Variants in FBXO24 observed in about 807,000 individuals in gnomAD.
The protein encoded by FBXO24 is F-box protein 24, also known as F-box only protein 24.
FBXO24 carries 30 observed loss-of-function variants against 63.5 expected under a neutral mutation model. That is an observed-to-expected ratio of 0.47 (90% CI 0.35 to 0.64). The LOEUF (loss-of-function observed/expected upper bound fraction) is 0.64, where lower values mean the gene tolerates loss of function less well. Ranked by LOEUF, FBXO24 falls within the 30% of genes least tolerant of loss-of-function variation. The pLI, the probability that FBXO24 is intolerant of heterozygous loss-of-function variation, is 0.00. For synonymous variants in FBXO24, 300 were observed against 305.0 expected (o/e 0.98, Z 0.17); for missense variants, 624 against 763.4 (o/e 0.82, Z 2.15).
intron 1 of FBXO24, chr7:100,589,581 T>TG (rs1801897602): frequency 2.2e-5 from 31 of 1,437,034 alleles, no homozygotes; most frequent in Non-Finnish European, 2.8e-5. Flanking sequence ...CCAGACTCCA[T>TG]GGGGGAGGGG....
Position 100,593,083 on chromosome 7 carries a change from G to A in FBXO24, c.793+66G>A, listed in dbSNP as rs75121637. 1.6e-3 allele frequency: 2,211 copies of A among 1,353,138 alleles called. 26 individuals carry two copies. The African/African-American group carries it at 0.028, about 17-fold the overall frequency. The allele number at this position is 1,353,138 out of a possible 1,614,324, so 83.8% of individuals were successfully genotyped here. A position where few individuals can be genotyped will look rare whatever the true frequency, so the allele number is the denominator to read the frequency against. On this transcript the variant is annotated intron_variant, in intron 5 of 9. Coordinates refer to ENST00000241071, the MANE Select transcript of FBXO24 (RefSeq NM_033506.3). ...AGATTCCTCAGACCCTGCTGCAGAG[G>A]AGGGGGAGGGAGGCCCCTCAGACTG...
intron 5 of FBXO24, 49 bp downstream of exon 5, chr7:100,593,066 C>A: frequency 6.6e-7 from 1 of 1,521,800 alleles, no homozygotes; most frequent in East Asian, 2.3e-5. Flanking sequence ...GCAGATTCCT[C>A]AGACCCTGCT....
rs779307679 is a variant in FBXO24, at chr7:100,595,146, C to T, written c.997C>T (p.Arg333Cys). 5.6e-6 allele frequency: 9 copies of T among 1,614,116 alleles called. No individual in the cohort carries two copies. Among genetic ancestry groups the T allele is most frequent in the Admixed American group, 1.7e-5 (1 of 60,016 alleles). Reference sequence around the variant, plus strand: ...TGAGGTGCATACCCCAGGGGTGTATCGCGATCTCTTTGGGACCCTTCAAGC... The same window carrying T: ...TGAGGTGCATACCCCAGGGGTGTATTGCGATCTCTTTGGGACCCTTCAAGC... The part of the protein sequence containing the change: ...YFEVHTPGVY[R>C]DLFGTLQAFD... Residue 333 changes from arginine to cysteine, a missense_variant, in exon 7 of 10, where the codon CGC (arginine) becomes TGC (cysteine). Arg to Cys is a radical substitution (Grantham distance 180). Transcript: ENST00000241071.
Position 100,595,229 on chromosome 7 carries a change from C to G in FBXO24, c.1074+6C>G. Reference sequence around the variant, plus strand: ...CTCTCTCACTGCCTGCCAAGGTAGGCTCCTGGAGGGACGGGGCAAACCAGA... The same window carrying G: ...CTCTCTCACTGCCTGCCAAGGTAGGGTCCTGGAGGGACGGGGCAAACCAGA... On this transcript the variant is annotated splice_donor_region_variant and intron_variant, in intron 7 of 9. Coordinates refer to ENST00000241071, the MANE Select transcript of FBXO24 (RefSeq NM_033506.3). 6.2e-7 allele frequency: 1 copy of G among 1,614,126 alleles called. No homozygotes were observed. The highest frequency in any genetic ancestry group is 1.3e-5 in the African/African-American group (1 of 75,036).
At position 100,586,474 on chromosome 7, in the gene FBXO24, G is replaced by C. The variant is rs1372360947; in HGVS notation, c.-152G>C. 1.3e-6 allele frequency: 1 copy of C among 793,692 alleles called. No homozygotes were observed. Among genetic ancestry groups the C allele is most frequent in the African/African-American group, 1.7e-5 (1 of 58,356 alleles). The allele number at this position is 793,692 out of a possible 1,614,324, so 49.2% of individuals were successfully genotyped here. Reference sequence around the variant, plus strand: ...CTCCACTAGCAGGAAAACGGGCCGAGGGACCGCAAGCAGGGGGTGCCTAGT... The same window carrying C: ...CTCCACTAGCAGGAAAACGGGCCGACGGACCGCAAGCAGGGGGTGCCTAGT... On this transcript the variant is annotated 5_prime_UTR_variant, in exon 1 of 10. Coordinates refer to ENST00000241071, the MANE Select transcript of FBXO24 (RefSeq NM_033506.3).
rs1802527520 is a variant in FBXO24 at position 100,600,270 on chromosome 7, T to G, written c.1377+69T>G. The G allele has an allele frequency of 6.9e-7, 1 of 1,452,730 alleles. No homozygotes were observed. Among genetic ancestry groups the G allele is most frequent in the African/African-American group, 1.4e-5 (1 of 69,772 alleles). 90.0% of individuals were successfully genotyped at this position (1,452,730 alleles called of 1,614,324 possible). ...GCCATGAACCAGGAAGCCCACAGGC[T>G]GTAGCTGGGGCTCCTGCAGGGACCC... On this transcript the variant is annotated intron_variant, in intron 9 of 9. Coordinates refer to ENST00000241071, the MANE Select transcript of FBXO24 (RefSeq NM_033506.3). The surrounding 1 kb of genome is among the most constrained non-coding windows in gnomAD (Gnocchi z 6.3).
chr7:100,598,813 C>T (rs952350834), intron 8 of FBXO24, among the ~76,000 whole-genome samples: 3 of 151,764 alleles, frequency 2.0e-5, no homozygotes, highest in African/African-American at 7.3e-5. Context: ...CCCGTCTCTA[C>T]TAAAATACAA....
chr7:100,599,976 AG>A, intron 8 of FBXO24, 54 bp from the exon 9 acceptor site: 22 of 744,302 alleles, frequency 3.0e-5, no homozygotes, highest in Non-Finnish European at 4.7e-5. Context: ...TTCCCACCCC[AG>A]CCCCCCCGTC....
At chr7:100,586,709 C>G in intron 1 of FBXO24, 45 bp downstream of exon 1, 2 of 1,609,662 alleles carry the variant, frequency 1.2e-6, no homozygotes, top group Non-Finnish European at 8.5e-7. Flanking sequence ...AACGCGGAGC[C>G]CCTGGCCGGC....
At position 100,590,005 on chromosome 7, in the gene FBXO24, C is replaced by T. The variant is rs766707413; in HGVS notation, c.68C>T (p.Ser23Leu). 33 of 1,613,314 alleles carry T rather than the reference C, an allele frequency of 2.0e-5. No homozygotes were observed. The East Asian group carries it at 2.5e-4, about 12-fold the overall frequency. The change falls in exon 2 of 10, where the codon TCG (serine) becomes TTG (leucine). Residue 23 changes from serine to leucine, a missense_variant. Ser to Leu is a moderately radical substitution (Grantham distance 145). This residue lies in a region of FBXO24 where 391 missense variants were observed against 469.1 expected (regional missense o/e 0.83). Transcript: ENST00000241071. ...RVKRSCPSCGSELGVEEKRGK... is the reference protein window; with the variant it reads ...RVKRSCPSCGLELGVEEKRGK... ...AAGAGAAGCTGCCCTTCTTGTGGCT[C>T]GGAGCTTGGGGTTGAAGAGAAGAGG...
chr7:100,586,378 G>C lies in FBXO24; in HGVS notation c.-248G>C. 1 of 630,682 alleles carries C rather than the reference G, an allele frequency of 1.6e-6. No individual in the cohort carries two copies. Among genetic ancestry groups the C allele is most frequent in the Non-Finnish European group, 2.8e-6 (1 of 362,870 alleles). 39.1% of individuals were successfully genotyped at this position (630,682 alleles called of 1,614,324 possible). A position where few individuals can be genotyped will look rare whatever the true frequency, so the allele number is the denominator to read the frequency against. On this transcript the variant is annotated 5_prime_UTR_variant, in exon 1 of 10. Coordinates refer to ENST00000241071, the MANE Select transcript of FBXO24 (RefSeq NM_033506.3). ...CCAGGCCGTCCCGCCCAGCGCAGCT[G>C]CACCCAATCACAATGCTCAGATCGG... is the stretch of plus-strand genomic sequence containing the variant.
chr7:100,591,734 C>T lies in FBXO24; in HGVS notation c.390C>T (p.Pro130=), dbSNP rs1024093518. The T allele has an allele frequency of 4.3e-6, 7 of 1,614,242 alleles. No homozygotes were observed. Among genetic ancestry groups the T allele is most frequent in the Non-Finnish European group, 5.9e-6 (7 of 1,180,034 alleles). The change falls in exon 4 of 10, where the codon CCC becomes CCT. Residue 130 remains proline (P), a synonymous_variant. Transcript: ENST00000241071. The part of the protein sequence containing the change: ...RRRCLSKSVA[P]LLAHGYRRFL... The stretch of plus-strand genomic sequence containing the variant: ...GATGTCTCAGCAAGAGCGTGGCCCC[C>T]TTGCTAGCCCACGGCTACCGCCGCT...
chr7:100,599,785 A>T, intron 8 of FBXO24: 4 of 494,798 alleles, frequency 8.1e-6, no homozygotes, highest in Non-Finnish European at 1.1e-5. Flanking sequence ...CCCTGGGCTC[A>T]GGCAAGGAGC....
intron 3 of FBXO24, among the ~76,000 whole-genome samples, chr7:100,591,031 AT>A (rs930978218): frequency 0.044 from 3,823 of 86,608 alleles, 36 homozygotes; most frequent in African/African-American, 0.067. Flanking sequence ...TTTTTCTTTG[AT>A]TTTTTTTTTT....
At chr7:100,590,586 A>G (rs533487172) in intron 3 of FBXO24, among the ~76,000 whole-genome samples, 2 of 152,244 alleles carry the variant, frequency 1.3e-5, no homozygotes, top group East Asian at 3.9e-4. Context: ...CCCTCTGTAC[A>G]CAGACACTTC....
At chr7:100,593,060 A>G in intron 5 of FBXO24, 43 bp downstream of exon 5, 1 of 1,550,864 alleles carries the variant, frequency 6.4e-7, no homozygotes, top group Non-Finnish European at 8.9e-7. Context: ...TTTCCTGCAG[A>G]TTCCTCAGAC....
intron 1 of FBXO24, among the ~76,000 whole-genome samples, chr7:100,587,138 G>A (rs116175086): frequency 6.6e-6 from 1 of 152,224 alleles, no homozygotes; most frequent in Admixed American, 6.5e-5. Context: ...TGATGCGTTA[G>A]CAAGAGCGAA....
At chr7:100,587,146 G>A (rs1801797448) in intron 1 of FBXO24, among the ~76,000 whole-genome samples, 1 of 152,180 alleles carries the variant, frequency 6.6e-6, no homozygotes. Flanking sequence ...TAGCAAGAGC[G>A]AACAGCAAGT....
Position 100,590,057 on chromosome 7 carries a change from G to C in FBXO24, c.120G>C (p.Gln40His). 1.2e-6 allele frequency: 2 copies of C among 1,613,716 alleles called. No individual in the cohort carries two copies. The highest frequency in any genetic ancestry group is 1.7e-6 in the Non-Finnish European group (2 of 1,179,864). The change falls in exon 2 of 10, where the codon CAG (glutamine) becomes CAC (histidine). Residue 40 changes from glutamine (Q) to histidine (H), a missense_variant. Gln to His is a conservative substitution (Grantham distance 24). Around this residue, in one of 3 missense-constraint regions of FBXO24, gnomAD observed 391 missense variants for 469.1 expected, o/e 0.83. Coordinates refer to ENST00000241071, the MANE Select transcript of FBXO24 (RefSeq NM_033506.3). ...KRGKGNPISI[Q>H]LFPPELVEHI... The stretch of plus-strand genomic sequence containing the variant: ...GGAAAGGAAATCCGATTTCCATCCA[G>C]TTGTTCCCCCCAGAGCTGGTGAGTC...
Sources: allele counts gnomAD v4.1 joint callset (sites outside exome capture counted in the v4.1 genomes callset), GRCh38; gene constraint gnomAD v4.1.1; regional missense constraint gnomAD v4.1.1; non-coding constraint Gnocchi (gnomAD v3.1); transcripts MANE v1.5; gene names NCBI Gene and HGNC (gene_info 2026-07-23, HGNC 2026-07-21).